Variants in STARD8 observed in about 807,000 individuals in gnomAD.
The protein encoded by STARD8 is StAR related lipid transfer domain containing 8, also known as stAR-related lipid transfer protein 8.
In STARD8, 25 loss-of-function variants were observed where a neutral mutation model predicts 69.4. That is an observed-to-expected ratio of 0.36 (90% CI 0.26 to 0.50). The LOEUF is 0.50. Ranked by LOEUF, STARD8 falls within the 20% of genes least tolerant of loss-of-function variation. The probability of loss-of-function intolerance (pLI) is 0.96; values close to 1 mark genes in which losing one functional copy is unlikely to be tolerated. For missense variants in STARD8, 921 were observed against 932.5 expected (o/e 0.99, Z 0.16); for synonymous variants, 389 against 374.6 (o/e 1.04, Z -0.45).
intron 2 of STARD8, among the ~76,000 whole-genome samples, chrX:68,668,236 C>CTCTTTCTT (rs778005383): frequency 0.057 from 4,177 of 73,120 alleles, 212 homozygotes; most frequent in African/African-American, 0.11. Flanking sequence ...CTTTTTTCTC[C>CTCTTTCTT]TCTTTCTTTC....
Position 68,724,480 on chromosome X carries a change from G to A in STARD8, c.*58G>A. The A allele has an allele frequency of 9.6e-7, 1 of 1,042,467 alleles. No individual in the cohort carries two copies. Among genetic ancestry groups the A allele is most frequent in the Non-Finnish European group, 1.3e-6 (1 of 757,258 alleles). The allele number at this position is 1,042,467 out of a possible 1,213,427, so 85.9% of individuals were successfully genotyped here. On this transcript the variant is annotated 3_prime_UTR_variant, in exon 15 of 15. Coordinates refer to ENST00000374599, the MANE Select transcript of STARD8 (RefSeq NM_001142503.3). ...GGCCCCCTGGGCACCAAGGGAGCGA[G>A]GGGGAATAAGAGCAGGGCAGCCCCC...
At chrX:68,714,821 C>T (rs1410986224) in intron 3 of STARD8, among the ~76,000 whole-genome samples, 2 of 111,939 alleles carry the variant, frequency 1.8e-5, no homozygotes, top group African/African-American at 6.5e-5. Flanking sequence ...TCTTTCCCCT[C>T]TCCCCTCCCT....
intron 2 of STARD8, among the ~76,000 whole-genome samples, chrX:68,680,711 G>C (rs747654830): frequency 1.8e-5 from 2 of 111,132 alleles, no homozygotes. Context: ...TGAGGGGAAG[G>C]TGTGTGTACT....
intron 2 of STARD8, among the ~76,000 whole-genome samples, chrX:68,674,441 G>A (rs756332790): frequency 3.2e-4 from 36 of 111,169 alleles, no homozygotes; most frequent in African/African-American, 1.1e-3. Context: ...TTCATTGGAG[G>A]TACTTTGGGG....
intron 1 of STARD8, 125 bp downstream of exon 1, chrX:68,648,052 G>T: frequency 1.2e-6 from 1 of 853,022 alleles, no homozygotes; most frequent in Non-Finnish European, 1.6e-6. Context: ...GGCTCTCGGA[G>T]TTAGAAAGGC....
Position 68,718,257 on chromosome X carries a change from C to A in STARD8, c.1343C>A (p.Ala448Asp). 1 of 1,211,372 alleles carries A rather than the reference C, an allele frequency of 8.3e-7. No homozygotes were observed. Among genetic ancestry groups the A allele is most frequent in the Non-Finnish European group, 1.1e-6 (1 of 895,377 alleles). Reference protein sequence around the residue: ...AEALSQMEVPAHGESPAWAQA... With the variant: ...AEALSQMEVPDHGESPAWAQA... ...GCTCTCAGCCAGATGGAGGTTCCGG[C>A]CCATGGAGAGTCCCCAGCCTGGGCC... The change falls in exon 6 of 15, where the codon GCC becomes GAC. Residue 448 changes from alanine (A) to aspartate (D), a missense_variant. Transcript: ENST00000374599.
At chrX:68,704,722 C>T (rs1214074679) in intron 2 of STARD8, among the ~76,000 whole-genome samples, 1 of 111,097 alleles carries the variant, frequency 9.0e-6, no homozygotes, top group Non-Finnish European at 1.9e-5. Context: ...TTTGCGTTGC[C>T]ACTGAGGTTC....
chrX:68,718,712 C>G, intron 6 of STARD8, 83 bp downstream of exon 6: 1 of 1,105,415 alleles, frequency 9.0e-7, no homozygotes, highest in South Asian at 2.3e-5. Flanking sequence ...AGTCATGAGG[C>G]CCAGGGCTAA....
At chrX:68,689,893 A>T (rs12011016) in intron 2 of STARD8, among the ~76,000 whole-genome samples, 2,432 of 105,573 alleles carry the variant, frequency 0.023, 70 homozygotes, top group African/African-American at 0.081. Flanking sequence ...ACCTTTTCAA[A>T]CCCCTCCCCA....
intron 11 of STARD8, 35 bp downstream of exon 11, chrX:68,722,196 G>T: frequency 8.8e-7 from 1 of 1,130,452 alleles, no homozygotes; most frequent in Non-Finnish European, 1.2e-6. Context: ...CTACTTACCA[G>T]ACCTGGGGGA....
intron 1 of STARD8, among the ~76,000 whole-genome samples, chrX:68,659,816 T>G (rs982032754): frequency 3.6e-5 from 4 of 111,196 alleles, no homozygotes; most frequent in African/African-American, 1.3e-4. Flanking sequence ...GAGTCAGGCC[T>G]GGAGCAGCCC....
intron 2 of STARD8, among the ~76,000 whole-genome samples, chrX:68,695,989 C>T (rs1016123041): frequency 8.9e-6 from 1 of 112,031 alleles, no homozygotes; most frequent in African/African-American, 3.2e-5. Flanking sequence ...ATGGAAAGTT[C>T]AGGTTCAACA....
intron 3 of STARD8, among the ~76,000 whole-genome samples, chrX:68,714,893 T>A (rs2080079287): frequency 9.0e-6 from 1 of 111,622 alleles, no homozygotes; most frequent in Admixed American, 9.4e-5. Context: ...GCTACTGTGC[T>A]GTCCTGTCCC....
chrX:68,715,220 T>A, intron 3 of STARD8, 74 bp from the exon 4 acceptor site: 1 of 954,410 alleles, frequency 1.0e-6, no homozygotes, highest in Non-Finnish European at 1.4e-6. Context: ...GCCGTTCCCT[T>A]CCAGCCCAAG....
chrX:68,651,287 G>A (rs1216657013), intron 1 of STARD8, among the ~76,000 whole-genome samples: 3 of 113,054 alleles, frequency 2.7e-5, no homozygotes, highest in African/African-American at 9.6e-5. Context: ...CATATGCACA[G>A]GTCTGTGGTT....
intron 1 of STARD8, among the ~76,000 whole-genome samples, chrX:68,657,845 G>A (rs2079620329): frequency 9.0e-6 from 1 of 110,530 alleles, no homozygotes; most frequent in Admixed American, 9.7e-5. Flanking sequence ...AGATGGGGAC[G>A]AGCATTGGGA....
At chrX:68,652,457 A>G (rs867700052) in intron 1 of STARD8, among the ~76,000 whole-genome samples, 10 of 111,144 alleles carry the variant, frequency 9.0e-5, no homozygotes, top group Middle Eastern at 9.2e-3. Context: ...AGGGCTCAGG[A>G]TTGCTTTGAG....
intron 2 of STARD8, among the ~76,000 whole-genome samples, chrX:68,703,289 G>A (rs751889443): frequency 8.9e-6 from 1 of 112,018 alleles, no homozygotes; most frequent in Admixed American, 9.4e-5. Flanking sequence ...GTACAGAGAG[G>A]TGACAAATAG....
chrX:68,722,803 A>G (rs2080163450), intron 12 of STARD8, among the ~76,000 whole-genome samples, 157 bp downstream of exon 12: 1 of 112,335 alleles, frequency 8.9e-6, no homozygotes, highest in Admixed American at 9.4e-5. Flanking sequence ...GAGTCAAGAA[A>G]GTACCTTAAG....
Sources: gnomAD v4.1 joint callset for allele counts (sites outside exome capture counted in the v4.1 genomes callset) on GRCh38, gnomAD v4.1.1 for gene constraint, MANE v1.5 for transcripts, NCBI Gene and HGNC (gene_info 2026-07-23, HGNC 2026-07-21) for gene names.